FBXO11: variants seen among roughly 807,000 people sequenced by gnomAD.
FBXO11 encodes F-box only protein 11.
Under a neutral mutation model 117.0 loss-of-function variants are expected in FBXO11, and 13 were observed. The observed-to-expected ratio is 0.11, with a 90% CI of 0.07 to 0.18. The LOEUF is 0.18. Among genes scored for constraint, FBXO11 ranks in the 10% least tolerant of loss-of-function variants. The pLI is 1.00. For synonymous variants in FBXO11, 490 were observed against 380.5 expected, an observed-to-expected ratio of 1.29 and a Z score of -3.35; for missense variants, 767 against 1,164.4, an observed-to-expected ratio of 0.66 and a Z score of 4.97.
chr2:47,807,291 CAT>C lies in FBXO11; in HGVS notation c.*825_*826del, dbSNP rs1491466087. 8.7e-5 allele frequency: 19 copies of C among 218,460 alleles called. No homozygotes were observed. Among genetic ancestry groups the C allele is most frequent in the Admixed American group, 7.9e-4 (14 of 17,686 alleles). The allele number at this position is 218,460 out of a possible 1,614,324, so 13.5% of individuals were successfully genotyped here. On this transcript the variant is annotated 3_prime_UTR_variant, in exon 23 of 23. Coordinates refer to ENST00000403359, the MANE Select transcript of FBXO11 (RefSeq NM_001190274.2). ...GAGACTTTCTAAAGTGTACTTAAAA[CAT>C]AGTAGTTTTTTACCTTTCACAAAAC...
At chr2:47,904,977 A>G (rs1456575760) in intron 1 of FBXO11, 2 of 151,774 alleles carry the variant, frequency 1.3e-5, no homozygotes, top group African/African-American at 4.8e-5. Flanking sequence ...GACCACCCCG[A>G]TTCCCCTCTC....
chr2:47,844,233 C>T (rs1050325981), intron 1 of FBXO11, among the ~76,000 whole-genome samples: 1 of 152,094 alleles, frequency 6.6e-6, no homozygotes, highest in Non-Finnish European at 1.5e-5. Context: ...TGCTTCATTT[C>T]CTTCTTTTAT....
In FBXO11 at chr2:47,854,535, A is replaced by G. The variant is rs535529236; in HGVS notation, c.233-14766T>C. Among the ~76,000 whole-genome samples the G allele has an allele frequency of 4.2e-4, 64 of 152,078 alleles. 2 individuals are homozygous for G. In the South Asian group the frequency reaches 0.013, roughly 31 times the overall value. On this transcript the variant is annotated intron_variant, in intron 1 of 22. Transcript: ENST00000403359. Reference sequence around the variant, plus strand: ...AAATAAATAAATAATAGAAAACAGAACCTAGCTGTATGACTGGACAAGTCA... The same window carrying G: ...AAATAAATAAATAATAGAAAACAGAGCCTAGCTGTATGACTGGACAAGTCA...
Position 47,838,996 on chromosome 2 carries a change from A to C in FBXO11, c.450T>G (p.Pro150=). Residue 150 remains proline (P), a synonymous_variant, in exon 4 of 23, where the codon CCT becomes CCG. Coordinates refer to ENST00000403359, the MANE Select transcript of FBXO11 (RefSeq NM_001190274.2). ...GTTTCTCCTGAAGATACTGTTCAGC[A>C]GGTGCTGCTATAAAGAGATTAACAT... The part of the protein sequence containing the change: ...SGKSQDLSAA[P]AEQYLQEKLP... 4 of 1,613,332 alleles carry C rather than the reference A, an allele frequency of 2.5e-6. No homozygotes were observed. The highest frequency in any genetic ancestry group is 1.7e-5 in the Admixed American group (1 of 59,948).
chr2:47,873,303 C>T (rs1043374319), intron 1 of FBXO11, among the ~76,000 whole-genome samples: 4 of 152,192 alleles, frequency 2.6e-5, no homozygotes, highest in African/African-American at 9.7e-5. Flanking sequence ...CCACAATAAG[C>T]CTCAGCTTTC....
chr2:47,815,832 A>G (rs1423533746), intron 16 of FBXO11, among the ~76,000 whole-genome samples: 1 of 152,208 alleles, frequency 6.6e-6, no homozygotes, highest in Admixed American at 6.5e-5. Context: ...CCAGAAGCTC[A>G]CAATATCTGA....
At chr2:47,829,507 T>C (rs1051900101) in intron 11 of FBXO11, among the ~76,000 whole-genome samples, 1 of 152,172 alleles carries the variant, frequency 6.6e-6, no homozygotes, top group Non-Finnish European at 1.5e-5. Flanking sequence ...CCCAAAGTGC[T>C]AGGATTATAG....
chr2:47,885,726 C>G (rs1056507164), intron 1 of FBXO11, among the ~76,000 whole-genome samples: 2 of 152,090 alleles, frequency 1.3e-5, no homozygotes, highest in African/African-American at 4.8e-5. Flanking sequence ...TTCCTCTTCC[C>G]CCCACCAAAA....
At chr2:47,904,900 C>G (rs1402306404) in intron 1 of FBXO11, among the ~76,000 whole-genome samples, 2 of 151,982 alleles carry the variant, frequency 1.3e-5, no homozygotes, top group Non-Finnish European at 2.9e-5. Flanking sequence ...AGAGGAGTCG[C>G]TGCTCCCCCT....
chr2:47,838,828 T>C, intron 4 of FBXO11, 31 bp downstream of exon 4: 1 of 1,592,970 alleles, frequency 6.3e-7, no homozygotes, highest in Non-Finnish European at 8.6e-7. Context: ...ATAACATATC[T>C]CAAGTTAATA....
At chr2:47,870,934 G>C (rs1675578588) in intron 1 of FBXO11, among the ~76,000 whole-genome samples, 1 of 152,154 alleles carries the variant, frequency 6.6e-6, no homozygotes, top group Admixed American at 6.5e-5. Flanking sequence ...TGGATCATAG[G>C]ACATGCACAT....
At chr2:47,808,878 G>A in intron 21 of FBXO11, 1 of 304,838 alleles carries the variant, frequency 3.3e-6, no homozygotes, top group Non-Finnish European at 6.0e-6. Flanking sequence ...GTTTTGTTTT[G>A]TAGAGACAGG....
In FBXO11 at chr2:47,858,767, G is replaced by A. The variant is rs140333572; in HGVS notation, c.233-18998C>T. On this transcript the variant is annotated intron_variant, in intron 1 of 22. Transcript: ENST00000403359. ...AACTGACTTATCTAGAAAAAGGGTC[G>A]GGCGCAGTGGCTTATGCCTGTAATG... 3.3e-5 allele frequency among the ~76,000 whole-genome samples: 5 copies of A among 150,974 alleles called. No individual in the cohort carries two copies. The East Asian group carries it at 7.8e-4, about 24-fold the overall frequency.
chr2:47,888,748 G>C, intron 1 of FBXO11: 1 of 693,300 alleles, frequency 1.4e-6, no homozygotes, highest in Non-Finnish European at 1.8e-6. Flanking sequence ...ACACACCCAA[G>C]CACCCAAACC....
intron 11 of FBXO11, among the ~76,000 whole-genome samples, chr2:47,828,468 C>T (rs115385606): frequency 0.052 from 7,940 of 152,096 alleles, 232 homozygotes; most frequent in Non-Finnish European, 0.068. Context: ...GTTAGCTGTG[C>T]GTGCTGGCAG....
At chr2:47,855,626 G>C (rs1255230594) in intron 1 of FBXO11, among the ~76,000 whole-genome samples, 1 of 152,082 alleles carries the variant, frequency 6.6e-6, no homozygotes, top group Non-Finnish European at 1.5e-5. Flanking sequence ...CTGAAGTCAG[G>C]AGTTCGAGAC....
intron 1 of FBXO11, among the ~76,000 whole-genome samples, chr2:47,871,651 A>G (rs1049080881): frequency 6.6e-6 from 1 of 152,092 alleles, no homozygotes; most frequent in Non-Finnish European, 1.5e-5. Flanking sequence ...ACCTTTGTGT[A>G]TTTTTATATT....
intron 1 of FBXO11, among the ~76,000 whole-genome samples, chr2:47,892,903 A>C (rs1233635554): frequency 6.6e-6 from 1 of 152,134 alleles, no homozygotes; most frequent in Admixed American, 6.5e-5. Context: ...CATAATCGCT[A>C]GGCTGCAACA....
intron 14 of FBXO11, 145 bp from the exon 15 acceptor site, chr2:47,819,223 T>G: frequency 1.4e-6 from 1 of 739,690 alleles, no homozygotes; most frequent in South Asian, 1.9e-5. Context: ...TTCTTTTGTT[T>G]TGTTTTGTTT....
Sources: allele counts gnomAD v4.1 joint callset (sites outside exome capture counted in the v4.1 genomes callset), GRCh38; gene constraint gnomAD v4.1.1; transcripts MANE v1.5; gene names NCBI Gene and HGNC (gene_info 2026-07-23, HGNC 2026-07-21).